The following NCAPG2 variants were observed in gnomAD, a reference collection of about 807,000 sequenced individuals.
NCAPG2 encodes the protein non-SMC condensin II complex subunit G2, also known as condensin-2 complex subunit G2.
In NCAPG2, 53 loss-of-function variants were observed where a neutral mutation model predicts 141.1. The ratio of observed to expected loss-of-function variants is 0.38; its 90% CI spans 0.30 to 0.47. The LOEUF (loss-of-function observed/expected upper bound fraction) is 0.47. Among genes scored for constraint, NCAPG2 ranks in the 20% least tolerant of loss-of-function variants. The pLI, the probability that NCAPG2 is intolerant of heterozygous loss-of-function variation, is 0.99. For synonymous variants in NCAPG2, 499 were observed against 490.7 expected, an observed-to-expected ratio of 1.02 and a Z score of -0.22; for missense variants, 1,087 against 1,389.0, an observed-to-expected ratio of 0.78 and a Z score of 3.46.
At chr7:158,637,577 T>TCCGAGCCACAC (rs1563488347) in intron 27 of NCAPG2, among the ~76,000 whole-genome samples, 2 of 5,850 alleles carry the variant, frequency 3.4e-4, no homozygotes, top group Admixed American at 3.5e-3. Flanking sequence ...CAGCTCCGGC[T>TCCGAGCCACAC]CCAGCAGCTC....
intron 19 of NCAPG2, among the ~76,000 whole-genome samples, chr7:158,655,728 C>CATCCTCCCCAT (rs1831901126): frequency 3.3e-5 from 5 of 152,288 alleles, no homozygotes; most frequent in Admixed American, 1.3e-4. Context: ...GACCAGGCCC[C>CATCCTCCCCAT]GTCCTCCCCA....
chr7:158,666,686 G>A (rs1250719628), intron 13 of NCAPG2, among the ~76,000 whole-genome samples: 1 of 151,872 alleles, frequency 6.6e-6, no homozygotes, highest in South Asian at 2.1e-4. Context: ...CAGCAACTCA[G>A]GAGACCAAGG....
At position 158,693,462 on chromosome 7, in the gene NCAPG2, T is replaced by C; in HGVS notation, c.114A>G (p.Leu38=). 9 of 1,613,954 alleles carry C rather than the reference T, an allele frequency of 5.6e-6. No homozygotes were observed. Among genetic ancestry groups the C allele is most frequent in the Non-Finnish European group, 7.6e-6 (9 of 1,179,854 alleles). Residue 38 remains leucine, a synonymous_variant, in exon 3 of 28, where the codon TTA becomes TTG. Coordinates refer to ENST00000356309, the MANE Select transcript of NCAPG2 (RefSeq NM_017760.7). Reference sequence around the variant, plus strand: ...TCTGTTTCCTTGATAATTCATCTAGTAATTCATTTAGGCTGAAAGGATCAG... The same window carrying C: ...TCTGTTTCCTTGATAATTCATCTAGCAATTCATTTAGGCTGAAAGGATCAG... ...EASDPFSLNE[L]LDELSRKQKE... is the part of the protein sequence containing the mutation.
At chr7:158,636,609 T>A (rs926519113) in intron 27 of NCAPG2, among the ~76,000 whole-genome samples, 2 of 151,650 alleles carry the variant, frequency 1.3e-5, no homozygotes, top group African/African-American at 4.8e-5. Context: ...TCCATGTTGG[T>A]CAGGCTGGAC....
At chr7:158,690,870 A>T in intron 4 of NCAPG2, 148 bp from the exon 5 acceptor site, 1 of 672,636 alleles carries the variant, frequency 1.5e-6, no homozygotes, top group Non-Finnish European at 2.3e-6. Flanking sequence ...AAAGATTTAT[A>T]TACATTAGTT....
chr7:158,637,012 A>T (rs1199092735), intron 27 of NCAPG2, among the ~76,000 whole-genome samples: 1 of 149,982 alleles, frequency 6.7e-6, no homozygotes, highest in Non-Finnish European at 1.5e-5. Flanking sequence ...CAGTGGTGTG[A>T]TCTTGGCTCA....
intron 8 of NCAPG2, among the ~76,000 whole-genome samples, chr7:158,684,516 A>C (rs1351584852): frequency 3.3e-5 from 5 of 152,234 alleles, no homozygotes; most frequent in Non-Finnish European, 7.3e-5. Context: ...CCAAGGATTT[A>C]CTGTCACATT....
intron 2 of NCAPG2, among the ~76,000 whole-genome samples, chr7:158,697,907 C>T (rs561622246): frequency 1.3e-5 from 2 of 152,008 alleles, no homozygotes; most frequent in African/African-American, 4.8e-5. Flanking sequence ...CACATGGACA[C>T]GGGGGAACAA....
In NCAPG2 at chr7:158,686,256, CA is replaced by C. The variant is rs1834748807; in HGVS notation, c.768-16del. 7.0e-7 allele frequency: 1 copy of C among 1,428,384 alleles called. No homozygotes were observed. The highest frequency in any genetic ancestry group is 1.3e-5 in the South Asian group (1 of 75,238). 88.5% of individuals were successfully genotyped at this position (1,428,384 alleles called of 1,614,324 possible). On this transcript the variant is annotated splice_polypyrimidine_tract_variant and intron_variant, in intron 7 of 27. Coordinates refer to ENST00000356309, the MANE Select transcript of NCAPG2 (RefSeq NM_017760.7). ...CCATCAAAGACCTATATAAAAAGAT[CA>C]AAATAGTTTTAATGCAAATTTTAAG... is the stretch of plus-strand genomic sequence containing the variant.
At chr7:158,696,048 G>C (rs1401306314) in intron 2 of NCAPG2, 3 of 152,282 alleles carry the variant, frequency 2.0e-5, no homozygotes, top group Non-Finnish European at 4.4e-5. Flanking sequence ...ATGAAGCAGG[G>C]GAAGTCTTGT....
intron 17 of NCAPG2, among the ~76,000 whole-genome samples, chr7:158,657,083 A>C (rs1832040237): frequency 6.6e-6 from 1 of 152,358 alleles, no homozygotes; most frequent in East Asian, 1.9e-4. Context: ...AATAATTTTT[A>C]TTGAGATAAT....
intron 13 of NCAPG2, chr7:158,667,307 TTAGCCGCTA>T (rs1833065799): frequency 2.2e-6 from 1 of 450,860 alleles, no homozygotes; most frequent in Non-Finnish European, 2.7e-6. Context: ...TCCTCCACCC[TTAGCCGCTA>T]CTGTGTCCCT....
At chr7:158,680,346 G>C (rs1834371722) in intron 10 of NCAPG2, among the ~76,000 whole-genome samples, 1 of 152,176 alleles carries the variant, frequency 6.6e-6, no homozygotes, top group Non-Finnish European at 1.5e-5. Context: ...AAGATACCAG[G>C]TTGTCTGCAC....
Position 158,671,497 on chromosome 7 carries a change from A to T in NCAPG2, c.1479+17T>A, listed in dbSNP as rs776579829. On this transcript the variant is annotated intron_variant, in intron 13 of 27. Transcript: ENST00000356309. ...CCCTATTTCATGTCATAAGTAAAAA[A>T]GCCCTATTCATCCTACCTTAGCAGC... is the stretch of plus-strand genomic sequence containing the variant. The T allele has an allele frequency of 1.2e-6, 2 of 1,613,842 alleles. No individual in the cohort carries two copies. The highest frequency in any genetic ancestry group is 1.7e-6 in the Non-Finnish European group (2 of 1,179,904).
intron 14 of NCAPG2, 64 bp downstream of exon 14, chr7:158,664,464 G>A (rs1832765830): frequency 6.4e-7 from 1 of 1,558,600 alleles, no homozygotes; most frequent in Non-Finnish European, 8.8e-7. Context: ...ACTGAACTCT[G>A]TAATTTGTAT....
chr7:158,686,638 C>T (rs1834772840), intron 7 of NCAPG2, among the ~76,000 whole-genome samples: 2 of 152,178 alleles, frequency 1.3e-5, no homozygotes, highest in African/African-American at 4.8e-5. Context: ...ATACCAGTAT[C>T]AACTTAAGAA....
rs1836052674 is a variant in NCAPG2 at position 158,704,601 on chromosome 7, C to A, written c.-40+123G>T. The A allele has an allele frequency of 1.3e-5, 2 of 152,764 alleles. 1 individual carries two copies. The highest frequency in any genetic ancestry group is 4.0e-4 in the South Asian group (2 of 4,992). The allele number at this position is 152,764 out of a possible 1,614,324, so 9.5% of individuals were successfully genotyped here. A position where few individuals can be genotyped will look rare whatever the true frequency, so the allele number is the denominator to read the frequency against. On this transcript the variant is annotated intron_variant, in intron 1 of 27. Coordinates refer to ENST00000356309, the MANE Select transcript of NCAPG2 (RefSeq NM_017760.7). ...GCAGCACTGCCCGCACGCAGGTCGGCCGCCTCCTTAGGGGAGGGGAGGCTG... is the reference window on the plus strand; with the variant it reads ...GCAGCACTGCCCGCACGCAGGTCGGACGCCTCCTTAGGGGAGGGGAGGCTG...
intron 19 of NCAPG2, among the ~76,000 whole-genome samples, chr7:158,655,863 C>G (rs1311309773): frequency 6.6e-6 from 1 of 151,872 alleles, no homozygotes; most frequent in Non-Finnish European, 1.5e-5. Context: ...CGTGGGACAG[C>G]TGGGAGCATG....
chr7:158,661,526 G>C (rs896740642), intron 16 of NCAPG2, among the ~76,000 whole-genome samples: 1 of 152,098 alleles, frequency 6.6e-6, no homozygotes, highest in Admixed American at 6.5e-5. Context: ...AAGTTCAAAA[G>C]ATCTATCCTA....
Sources: gnomAD v4.1 joint callset for allele counts (sites outside exome capture counted in the v4.1 genomes callset) on GRCh38, gnomAD v4.1.1 for gene constraint, MANE v1.5 for transcripts, NCBI Gene and HGNC (gene_info 2026-07-23, HGNC 2026-07-21) for gene names.